COL5A2: variants seen among roughly 807,000 people sequenced by gnomAD.
The protein encoded by COL5A2 is collagen alpha-2(V) chain.
Under a neutral mutation model 208.2 loss-of-function variants are expected in COL5A2, and 23 were observed. The ratio of observed to expected loss-of-function variants is 0.11; its 90% CI spans 0.08 to 0.16. The LOEUF is 0.16. Ranked by LOEUF, COL5A2 falls within the 10% of genes least tolerant of loss-of-function variation. The pLI, the probability that COL5A2 is intolerant of heterozygous loss-of-function variation, is 1.00. For synonymous variants in COL5A2, 625 were observed against 628.5 expected (o/e 0.99, Z 0.08); for missense variants, 1,590 against 1,956.4 (o/e 0.81, Z 3.53).
chr2:189,045,101 G>A (rs565225115), intron 47 of COL5A2, 78 bp downstream of exon 47: 6 of 940,274 alleles, frequency 6.4e-6, no homozygotes, highest in Non-Finnish European at 9.4e-6. Context: ...TTTCAGTTAT[G>A]AATCTTAAAT....
rs1220456298 is a variant in COL5A2 at position 189,086,770 on chromosome 2, C to T, written c.646G>A (p.Gly216Ser). Residue 216 changes from glycine to serine, a missense_variant and splice_region_variant, in exon 9 of 54, where the codon GGT becomes AGT. Transcript: ENST00000374866. ...SQVGLMPGSV[G>S]PVGPRGPQGL... ...TGTGGTCCCCTTGGGCCAACAGGAC[C>T]CTTAAAAACAAATGAGGAGAAACGT... 1 of 1,580,002 alleles carries T rather than the reference C, an allele frequency of 6.3e-7. No homozygotes were observed. Among genetic ancestry groups the T allele is most frequent in the East Asian group, 2.3e-5 (1 of 44,306 alleles).
At chr2:189,429,175 C>T in the COL5A2 span, among the ~76,000 whole-genome samples, 1 of 152,066 alleles carries the variant, frequency 6.6e-6, no homozygotes, top group South Asian at 2.1e-4. Context: ...GTAGGTTTAA[C>T]CATTCCACAA....
chr2:189,077,230 C>T (rs1686426025), intron 16 of COL5A2, among the ~76,000 whole-genome samples: 1 of 152,124 alleles, frequency 6.6e-6, no homozygotes, highest in African/African-American at 2.4e-5. Context: ...CACTTCTGGA[C>T]ACCACACCAA....
chr2:189,324,430 AATATCC>A, the COL5A2 span, among the ~76,000 whole-genome samples: 5,530 of 152,290 alleles, frequency 0.036, 114 homozygotes, highest in Admixed American at 0.05. Context: ...ACAAAGGGCT[AATATCC>A]AGAATCTACA....
the COL5A2 span, among the ~76,000 whole-genome samples, chr2:189,389,201 T>C: frequency 6.6e-6 from 1 of 152,174 alleles, no homozygotes; most frequent in African/African-American, 2.4e-5. Flanking sequence ...TAGCTAATAG[T>C]ACACTTTCTT....
At chr2:189,298,843 C>G in the COL5A2 span, among the ~76,000 whole-genome samples, 1 of 152,142 alleles carries the variant, frequency 6.6e-6, no homozygotes, top group Non-Finnish European at 1.5e-5. Flanking sequence ...CTTTCCATCT[C>G]TCTAACCTAT....
chr2:189,319,886 C>A, the COL5A2 span, among the ~76,000 whole-genome samples: 1 of 152,184 alleles, frequency 6.6e-6, no homozygotes, highest in South Asian at 2.1e-4. Flanking sequence ...TCCCTGACCC[C>A]CAGGTAGCCT....
chr2:189,060,743 T>C lies in COL5A2; in HGVS notation c.2072A>G (p.Lys691Arg), dbSNP rs142224646. 1.9e-6 allele frequency: 3 copies of C among 1,613,366 alleles called. No homozygotes were observed. Among genetic ancestry groups the C allele is most frequent in the Admixed American group, 1.7e-5 (1 of 59,978 alleles). The change falls in exon 31 of 54, where the codon AAA becomes AGA. Residue 691 changes from lysine to arginine, a missense_variant. Coordinates refer to ENST00000374866, the MANE Select transcript of COL5A2 (RefSeq NM_000393.5). ...TTAAACACTTACTTGATCACCTGGT[T>C]TTCCACCTTCTCCAGGAGGCCCTGG... ...GPPGPPGEGG[K>R]PGDQGVPGDP... is the part of the protein sequence containing the mutation.
chr2:189,434,099 C>T, the COL5A2 span, among the ~76,000 whole-genome samples: 5 of 151,976 alleles, frequency 3.3e-5, no homozygotes, highest in Admixed American at 1.3e-4. Context: ...TCTCAATAGA[C>T]GCAGAAAAGG....
intron 1 of COL5A2, among the ~76,000 whole-genome samples, chr2:189,174,933 A>G (rs1355547695): frequency 1.3e-5 from 2 of 152,204 alleles, no homozygotes; most frequent in East Asian, 1.9e-4. Context: ...AGCAAAGAAA[A>G]TGTAGCCTAA....
the COL5A2 span, among the ~76,000 whole-genome samples, chr2:189,331,089 A>G: frequency 1.3e-5 from 2 of 152,228 alleles, no homozygotes; most frequent in Non-Finnish European, 2.9e-5. Flanking sequence ...GAAAATTTGA[A>G]CAAAAATGTT....
chr2:189,081,234 G>C (rs1462217214), intron 12 of COL5A2, among the ~76,000 whole-genome samples, 191 bp from the exon 13 acceptor site: 1 of 152,128 alleles, frequency 6.6e-6, no homozygotes, highest in Non-Finnish European at 1.5e-5. Context: ...AAGTAAATAT[G>C]CTATTAGAAA....
intron 1 of COL5A2, among the ~76,000 whole-genome samples, chr2:189,163,918 C>T (rs1296347058): frequency 6.6e-6 from 1 of 152,156 alleles, no homozygotes; most frequent in Non-Finnish European, 1.5e-5. Context: ...TTTCCTGTGT[C>T]CTGGTCCAGT....
At chr2:189,102,027 T>C (rs1054653228) in intron 3 of COL5A2, among the ~76,000 whole-genome samples, 1 of 152,114 alleles carries the variant, frequency 6.6e-6, no homozygotes, top group South Asian at 2.1e-4. Flanking sequence ...TAATAAAAGA[T>C]ATTTTTCAAA....
In COL5A2 at chr2:189,080,900, A is replaced by G. The variant is rs10182959; in HGVS notation, c.906+90T>C. The G allele has an allele frequency of 8.2e-4, 893 of 1,089,726 alleles. 3 individuals carry two copies. In the African/African-American group the frequency reaches 0.012, roughly 15 times the overall value. The allele number at this position is 1,089,726 out of a possible 1,614,324, so 67.5% of individuals were successfully genotyped here. On this transcript the variant is annotated intron_variant, in intron 13 of 53. Transcript: ENST00000374866. ...ATAGACAGTTAAGGACAATTGACAA[A>G]TTGACTTGTAAAGATTTTGAAGGTA...
chr2:189,053,399 A>G, intron 38 of COL5A2, 25 bp downstream of exon 38: 2 of 1,597,880 alleles, frequency 1.3e-6, no homozygotes, highest in Non-Finnish European at 1.7e-6. Flanking sequence ...TTTATTTGTA[A>G]ATTAGGGATA....
At chr2:189,385,963 T>A in the COL5A2 span, among the ~76,000 whole-genome samples, 1 of 152,124 alleles carries the variant, frequency 6.6e-6, no homozygotes, top group Non-Finnish European at 1.5e-5. Flanking sequence ...GGCCTCACAA[T>A]CATGGCAGAA....
chr2:189,339,964 T>G, the COL5A2 span, among the ~76,000 whole-genome samples: 1 of 152,206 alleles, frequency 6.6e-6, no homozygotes, highest in African/African-American at 2.4e-5. Context: ...ATGGGACAAC[T>G]GGGCCAGTTT....
the COL5A2 span, among the ~76,000 whole-genome samples, chr2:189,378,522 A>C: frequency 6.6e-6 from 1 of 152,156 alleles, no homozygotes; most frequent in African/African-American, 2.4e-5. Context: ...CAAGAGATCG[A>C]GACCATCATG....
Sources: gnomAD v4.1 joint callset for allele counts (sites outside exome capture counted in the v4.1 genomes callset) on GRCh38, gnomAD v4.1.1 for gene constraint, MANE v1.5 for transcripts, NCBI Gene and HGNC (gene_info 2026-07-23, HGNC 2026-07-21) for gene names.